RGS20: variants seen among roughly 807,000 people sequenced by gnomAD.
RGS20 encodes the protein regulator of G protein signaling 20, also known as gz-selective GTPase-activating protein.
RGS20 carries 30 observed loss-of-function variants against 33.6 expected under a neutral mutation model. The ratio of observed to expected loss-of-function variants is 0.89; its 90% confidence interval spans 0.67 to 1.21. The LOEUF (loss-of-function observed/expected upper bound fraction) is 1.21. RGS20 is among the 50% of genes most tolerant of loss of function. RGS20 has a pLI of 0.00. For missense variants in RGS20, 472 were observed against 502.4 expected (o/e 0.94, Z 0.58); for synonymous variants, 208 against 197.9 (o/e 1.05, Z -0.43).
chr8:53,944,656 C>G (rs1396684494), intron 3 of RGS20, among the ~76,000 whole-genome samples: 1 of 151,902 alleles, frequency 6.6e-6, no homozygotes, highest in Non-Finnish European at 1.5e-5. Flanking sequence ...AGAATTATAG[C>G]TATAACTGAT....
At chr8:53,954,742 C>A (rs1269670260) in intron 5 of RGS20, among the ~76,000 whole-genome samples, 1 of 145,854 alleles carries the variant, frequency 6.9e-6, no homozygotes, top group African/African-American at 2.5e-5. Context: ...GGCTGGAGTG[C>A]AATGGTGCAA....
At chr8:53,885,475 G>A (rs780018867) in intron 2 of RGS20, among the ~76,000 whole-genome samples, 30 of 152,238 alleles carry the variant, frequency 2.0e-4, no homozygotes, top group Non-Finnish European at 3.7e-4. Flanking sequence ...TTAGCTGGGC[G>A]TATTAGCGGG....
At chr8:53,903,015 C>T (rs1465927814) in intron 2 of RGS20, among the ~76,000 whole-genome samples, 1 of 152,152 alleles carries the variant, frequency 6.6e-6, no homozygotes, top group Non-Finnish European at 1.5e-5. Flanking sequence ...TGTGAGCCAC[C>T]CGTGCCCAGC....
chr8:53,881,150 A>T, intron 2 of RGS20, 66 bp downstream of exon 1: 3 of 1,243,534 alleles, frequency 2.4e-6, no homozygotes, highest in Middle Eastern at 2.4e-4. Context: ...TTCGTGCTGG[A>T]AAGTGGCCGA....
chr8:53,889,981 T>C (rs949861578), intron 2 of RGS20, among the ~76,000 whole-genome samples: 3 of 152,192 alleles, frequency 2.0e-5, no homozygotes, highest in African/African-American at 7.2e-5. Flanking sequence ...TGAGCTTCTT[T>C]TATCTGTGGA....
chr8:53,917,441 G>A (rs1813522326), intron 2 of RGS20, among the ~76,000 whole-genome samples: 1 of 152,176 alleles, frequency 6.6e-6, no homozygotes, highest in Non-Finnish European at 1.5e-5. Context: ...GAGCCACCAT[G>A]CCCGGCCTCC....
rs773450224 is a variant in RGS20 at position 53,958,395 on chromosome 8, C to G, written c.1104C>G (p.Phe368Leu). 3 of 1,613,430 alleles carry G rather than the reference C, an allele frequency of 1.9e-6. No individual in the cohort carries two copies. The highest frequency in any genetic ancestry group is 2.5e-6 in the Non-Finnish European group (3 of 1,179,640). Reference sequence around the variant, plus strand: ...TGCACAGAGACTCATATCCTCGATTCATGAACTCTGCTGTCTATAAGGACT... The same window carrying G: ...TGCACAGAGACTCATATCCTCGATTGATGAACTCTGCTGTCTATAAGGACT... Residue 368 changes from phenylalanine to leucine, a missense_variant, in exon 6 of 6, where the codon TTC (phenylalanine) becomes TTG (leucine). Phe to Leu is a conservative substitution (Grantham distance 22). Transcript: ENST00000297313.
chr8:53,878,938 C>A (rs1247157986), intron 1 of RGS20, among the ~76,000 whole-genome samples: 1 of 152,158 alleles, frequency 6.6e-6, no homozygotes, highest in Admixed American at 6.5e-5. Flanking sequence ...ACATTCAGCG[C>A]GCATGGTAGT....
intron 3 of RGS20, 178 bp from the exon 3 acceptor site, chr8:53,946,487 A>C: frequency 1.4e-6 from 1 of 704,090 alleles, no homozygotes; most frequent in Non-Finnish European, 2.6e-6. Context: ...TATTTCTAGT[A>C]CCTTATTGTC....
chr8:53,906,483 A>T (rs1371929036), intron 2 of RGS20, among the ~76,000 whole-genome samples: 1 of 152,194 alleles, frequency 6.6e-6, no homozygotes, highest in Non-Finnish European at 1.5e-5. Context: ...TCCTCCATCC[A>T]AGGCAAAATA....
At chr8:53,880,023 G>A (rs534351876) in intron 2 of RGS20, 1 of 174,254 alleles carries the variant, frequency 5.7e-6, no homozygotes, top group South Asian at 2.0e-4. Flanking sequence ...ATGACGTGAT[G>A]TTATTTTTGT....
At chr8:53,873,741 T>C (rs986099288) in intron 1 of RGS20, among the ~76,000 whole-genome samples, 2 of 152,228 alleles carry the variant, frequency 1.3e-5, no homozygotes, top group Non-Finnish European at 2.9e-5. Flanking sequence ...AGTGAATATA[T>C]ACTATGTCAG....
intron 2 of RGS20, among the ~76,000 whole-genome samples, chr8:53,907,748 G>C (rs1563385287): frequency 6.6e-6 from 1 of 152,068 alleles, no homozygotes; most frequent in Non-Finnish European, 1.5e-5. Context: ...CCCAGAAAAT[G>C]AATGGCAAGC....
At chr8:53,864,711 C>T (rs1396017333) in intron 1 of RGS20, among the ~76,000 whole-genome samples, 1 of 152,074 alleles carries the variant, frequency 6.6e-6, no homozygotes, top group East Asian at 1.9e-4. Flanking sequence ...TAATTTTTTT[C>T]CACCATGTGG....
chr8:53,877,369 C>T lies in RGS20; in HGVS notation c.166-1889C>T, dbSNP rs2129273173. Among the ~76,000 whole-genome samples, 1 of 152,262 alleles carries T rather than the reference C, an allele frequency of 6.6e-6. No homozygotes were observed. The highest frequency in any genetic ancestry group is 1.9e-4 in the East Asian group (1 of 5,150). On this transcript the variant is annotated intron_variant, in intron 1 of 5. Coordinates refer to ENST00000297313, the MANE Select transcript of RGS20 (RefSeq NM_170587.4). The surrounding 1 kb of genome is among the most constrained non-coding windows in gnomAD (Gnocchi z 5.7). ...AGTGGGGCGCAGACGCGGCCGCCGG[C>T]CCGCAGTCCCCCGCAGGTGCCGCCC...
chr8:53,893,405 A>C (rs1812770422), intron 2 of RGS20, among the ~76,000 whole-genome samples: 1 of 152,216 alleles, frequency 6.6e-6, no homozygotes, highest in Non-Finnish European at 1.5e-5. Flanking sequence ...GCGGAGTAGC[A>C]GGACTCTCCT....
intron 2 of RGS20, among the ~76,000 whole-genome samples, chr8:53,889,530 C>A (rs1259834920): frequency 1.4e-5 from 2 of 146,450 alleles, no homozygotes; most frequent in Non-Finnish European, 3.0e-5. Context: ...TAGGTGTCCA[C>A]CACCACACTC....
chr8:53,946,439 A>T, intron 3 of RGS20: 1 of 532,304 alleles, frequency 1.9e-6, no homozygotes, highest in Non-Finnish European at 3.4e-6. Flanking sequence ...AATAATTTCT[A>T]ACTCTTTCTC....
intron 2 of RGS20, among the ~76,000 whole-genome samples, chr8:53,928,584 G>A (rs1274600342): frequency 6.6e-6 from 1 of 152,150 alleles, no homozygotes. Context: ...AACACTTTGG[G>A]AGGCTGAGGC....
Sources: gnomAD v4.1 joint callset for allele counts (sites outside exome capture counted in the v4.1 genomes callset) on GRCh38, gnomAD v4.1.1 for gene constraint, Gnocchi (gnomAD v3.1) non-coding constraint, MANE v1.5 for transcripts, NCBI Gene and HGNC (gene_info 2026-07-23, HGNC 2026-07-21) for gene names.